SASH1: variants seen among roughly 807,000 people sequenced by gnomAD.
The protein encoded by SASH1 is SAM and SH3 domain containing 1, also known as SAM and SH3 domain-containing protein 1.
In SASH1, 44 loss-of-function variants were observed where a neutral mutation model predicts 125.2. That is an observed-to-expected ratio of 0.35 (90% confidence interval 0.28 to 0.45). SASH1 has a LOEUF of 0.45. Ranked by LOEUF, SASH1 falls within the 20% of genes least tolerant of loss-of-function variation. The pLI, the probability that SASH1 is intolerant of heterozygous loss-of-function variation, is 1.00. For missense variants in SASH1, 1,426 were observed against 1,614.5 expected (o/e 0.88, Z 2.00); for synonymous variants, 639 against 649.1 (o/e 0.98, Z 0.24).
intron 1 of SASH1, among the ~76,000 whole-genome samples, chr6:148,381,617 CTTTT>C (rs201145545): frequency 1.0e-3 from 81 of 77,884 alleles, no homozygotes; most frequent in South Asian, 3.1e-3. Flanking sequence ...TTCTTGCTTT[CTTTT>C]TTTTTTTTTT....
intron 8 of SASH1, among the ~76,000 whole-genome samples, chr6:148,502,920 T>A (rs1019680893): frequency 1.3e-5 from 2 of 152,230 alleles, no homozygotes; most frequent in Admixed American, 1.3e-4. Flanking sequence ...CCTATATCTC[T>A]GTGTTTTTCT....
At chr6:148,194,002 C>T in the SASH1 span, among the ~76,000 whole-genome samples, 1 of 152,112 alleles carries the variant, frequency 6.6e-6, no homozygotes, top group Non-Finnish European at 1.5e-5. Flanking sequence ...TTTAACTGTA[C>T]CTCTTTTAAG....
chr6:148,532,964 A>G lies in SASH1; in HGVS notation c.1732A>G (p.Lys578Glu). The stretch of plus-strand genomic sequence containing the variant: ...CTATGACACAGACTCACTCAAGCTC[A>G]AGGTATCTCTCTCCCTGGCCTCAGA... The part of the protein sequence containing the change: ...SPYDTDSLKL[K>E]KGDIIDIISK... The change falls in exon 14 of 20, where the codon AAG becomes GAG. Residue 578 changes from lysine to glutamate, a missense_variant and splice_region_variant. Physicochemically the swap from Lys to Glu is moderately conservative, Grantham distance 56. Coordinates refer to ENST00000367467, the MANE Select transcript of SASH1 (RefSeq NM_015278.5). The surrounding 1 kb of genome is among the most constrained non-coding windows in gnomAD (Gnocchi z 4.7). The G allele has an allele frequency of 6.2e-7, 1 of 1,609,614 alleles. No individual in the cohort carries two copies. Among genetic ancestry groups the G allele is most frequent in the East Asian group, 2.2e-5 (1 of 44,856 alleles).
At chr6:148,377,223 CAA>C (rs904115131) in intron 1 of SASH1, among the ~76,000 whole-genome samples, 3 of 130,566 alleles carry the variant, frequency 2.3e-5, no homozygotes, top group Non-Finnish European at 5.0e-5. Flanking sequence ...AACAAACAAA[CAA>C]AAAAAAACAC....
At chr6:148,484,717 G>T (rs1180252753) in intron 7 of SASH1, among the ~76,000 whole-genome samples, 2 of 152,100 alleles carry the variant, frequency 1.3e-5, no homozygotes, top group Non-Finnish European at 2.9e-5. Context: ...AAGGCAGGTG[G>T]ATCACTTGAG....
In SASH1 at chr6:148,533,994, G is replaced by T; in HGVS notation, c.1944+14G>T. ...ATTAACCTAAAAGTCAGTCGCTTCT[G>T]ATTCTTGTCACACGCTACTACCTCA... is the stretch of plus-strand genomic sequence containing the variant. On this transcript the variant is annotated intron_variant, in intron 15 of 19. Transcript: ENST00000367467. The surrounding 1 kb of genome is among the most constrained non-coding windows in gnomAD (Gnocchi z 6.2). The T allele has an allele frequency of 6.2e-7, 1 of 1,612,058 alleles. No homozygotes were observed. The highest frequency in any genetic ancestry group is 8.5e-7 in the Non-Finnish European group (1 of 1,178,296).
chr6:148,361,638 C>CT (rs1436750230), intron 1 of SASH1, among the ~76,000 whole-genome samples: 1 of 151,884 alleles, frequency 6.6e-6, no homozygotes, highest in African/African-American at 2.4e-5. Flanking sequence ...GACAGCAGAA[C>CT]TTTTTCCAGG....
intron 8 of SASH1, chr6:148,509,180 TCAGA>T (rs1779976778): frequency 8.8e-6 from 3 of 341,334 alleles, no homozygotes; most frequent in Non-Finnish European, 1.7e-5. Flanking sequence ...GGACTTGAAT[TCAGA>T]CAGTGTTGCA....
intron 4 of SASH1, among the ~76,000 whole-genome samples, chr6:148,447,071 A>G (rs909362308): frequency 2.0e-5 from 3 of 152,226 alleles, no homozygotes; most frequent in Non-Finnish European, 2.9e-5. Flanking sequence ...GATATAAGCT[A>G]GGTCCCAGTT....
chr6:148,544,841 C>T lies in SASH1; in HGVS notation c.3348+23C>T, dbSNP rs551677229. The T allele has an allele frequency of 6.5e-7, 1 of 1,540,898 alleles. No individual in the cohort carries two copies. Among genetic ancestry groups the T allele is most frequent in the Non-Finnish European group, 8.8e-7 (1 of 1,141,864 alleles). On this transcript the variant is annotated intron_variant, in intron 18 of 19. Coordinates refer to ENST00000367467, the MANE Select transcript of SASH1 (RefSeq NM_015278.5). This position sits in a 1 kb window ranked among gnomAD's most constrained non-coding sequence, Gnocchi z 6.4. ...AAGGTATCAAAGGTCCTGGGCCCAC[C>T]ACGTTCACAGGCCTTTGTTTGTAGA...
At chr6:148,477,692 A>ATTTTT (rs71004300) in intron 7 of SASH1, among the ~76,000 whole-genome samples, 7 of 95,868 alleles carry the variant, frequency 7.3e-5, no homozygotes, top group Non-Finnish European at 1.1e-4. Flanking sequence ...CACCTGGCTA[A>ATTTTT]TTTTTTTTTT....
intron 1 of SASH1, among the ~76,000 whole-genome samples, chr6:148,346,748 T>C (rs1203666543): frequency 1.3e-5 from 2 of 152,222 alleles, no homozygotes; most frequent in Non-Finnish European, 2.9e-5. Context: ...TGAAACTGCA[T>C]TTTGGGCAGT....
At chr6:148,336,891 C>T (rs1582982220) in intron 1 of SASH1, among the ~76,000 whole-genome samples, 1 of 152,156 alleles carries the variant, frequency 6.6e-6, no homozygotes, top group East Asian at 1.9e-4. Context: ...ATTCTGCAGG[C>T]CTGATCTCTA....
intron 1 of SASH1, among the ~76,000 whole-genome samples, chr6:148,331,972 C>T (rs1385584502): frequency 6.6e-6 from 1 of 152,150 alleles, no homozygotes; most frequent in Admixed American, 6.6e-5. Flanking sequence ...GTGTGTTCCC[C>T]CCTGCCCTAC....
the SASH1 span, among the ~76,000 whole-genome samples, chr6:148,211,576 G>GGA: frequency 7.2e-6 from 1 of 139,036 alleles, no homozygotes; most frequent in Non-Finnish European, 1.6e-5. Context: ...ATCTCAAAGG[G>GGA]AAAAAAAAAA....
chr6:148,478,117 A>G (rs897723065), intron 7 of SASH1, among the ~76,000 whole-genome samples: 2 of 152,336 alleles, frequency 1.3e-5, no homozygotes, highest in South Asian at 2.1e-4. Flanking sequence ...GGAGAACAGT[A>G]TGGAGGTTCC....
chr6:148,314,516 T>C (rs1780427170), intron 1 of SASH1, among the ~76,000 whole-genome samples: 1 of 152,146 alleles, frequency 6.6e-6, no homozygotes, highest in African/African-American at 2.4e-5. Flanking sequence ...GAATGCATTA[T>C]GTTGTGCCTG....
chr6:148,243,732 C>T, the SASH1 span, among the ~76,000 whole-genome samples: 1 of 150,698 alleles, frequency 6.6e-6, no homozygotes, highest in African/African-American at 2.4e-5. Context: ...GGACTTCCAC[C>T]TTTAGCTCCC....
intron 6 of SASH1, among the ~76,000 whole-genome samples, chr6:148,473,193 C>T (rs1583216246): frequency 6.6e-6 from 1 of 152,266 alleles, no homozygotes; most frequent in East Asian, 1.9e-4. Context: ...ATATGGCACC[C>T]TTCTTCTGAT....
Sources: allele counts gnomAD v4.1 joint callset (sites outside exome capture counted in the v4.1 genomes callset), GRCh38; gene constraint gnomAD v4.1.1; non-coding constraint Gnocchi (gnomAD v3.1); transcripts MANE v1.5; gene names NCBI Gene and HGNC (gene_info 2026-07-23, HGNC 2026-07-21).